CSMD3: variants seen among roughly 807,000 people sequenced by gnomAD.
The protein encoded by CSMD3 is CUB and Sushi multiple domains 3, also known as CUB and sushi domain-containing protein 3.
CSMD3 carries 177 observed loss-of-function variants against 435.2 expected under a neutral mutation model. That is an observed-to-expected ratio of 0.41 (90% confidence interval 0.36 to 0.46). The LOEUF (loss-of-function observed/expected upper bound fraction) is 0.46. Ranked by LOEUF, CSMD3 falls within the 20% of genes least tolerant of loss-of-function variation. The pLI, the probability that CSMD3 is intolerant of heterozygous loss-of-function variation, is 0.34. For synonymous variants in CSMD3, 1,656 were observed against 1,520.5 expected, an observed-to-expected ratio of 1.09 and a Z score of -2.07; for missense variants, 4,265 against 4,504.6, an observed-to-expected ratio of 0.95 and a Z score of 1.52.
At chr8:113,231,318 A>C (rs1314803263) in intron 3 of CSMD3, among the ~76,000 whole-genome samples, 1 of 151,272 alleles carries the variant, frequency 6.6e-6, no homozygotes, top group Non-Finnish European at 1.5e-5. Flanking sequence ...GATATTTCCT[A>C]CTAGATGAAA....
intron 16 of CSMD3, among the ~76,000 whole-genome samples, chr8:112,681,316 T>C (rs1346012976): frequency 6.6e-6 from 1 of 151,796 alleles, no homozygotes; most frequent in Non-Finnish European, 1.5e-5. Flanking sequence ...CCTCCTAAAG[T>C]GCTGGGGTTA....
chr8:113,058,995 G>A (rs1225139937), intron 5 of CSMD3, among the ~76,000 whole-genome samples: 2 of 151,828 alleles, frequency 1.3e-5, no homozygotes, highest in East Asian at 1.9e-4. Context: ...AAAGGTAAGT[G>A]GTACTATAAC....
intron 61 of CSMD3, 151 bp downstream of exon 61, chr8:112,263,488 T>A: frequency 1.5e-6 from 1 of 655,920 alleles, no homozygotes; most frequent in Non-Finnish European, 2.7e-6. Context: ...AGAAACATAA[T>A]GACTTAATTA....
chr8:112,825,290 T>G (rs2079644842), intron 12 of CSMD3, among the ~76,000 whole-genome samples: 1 of 152,216 alleles, frequency 6.6e-6, no homozygotes, highest in Non-Finnish European at 1.5e-5. Flanking sequence ...ACTCAACATC[T>G]GAAGCCTACT....
chr8:113,055,950 G>A (rs554169310), intron 5 of CSMD3, among the ~76,000 whole-genome samples: 2 of 152,178 alleles, frequency 1.3e-5, no homozygotes, highest in Non-Finnish European at 2.9e-5. Context: ...AACTGTGACA[G>A]TTGGGTGAAG....
intron 5 of CSMD3, among the ~76,000 whole-genome samples, chr8:113,073,896 T>C (rs1203858005): frequency 1.3e-5 from 2 of 151,816 alleles, no homozygotes; most frequent in African/African-American, 4.8e-5. Flanking sequence ...GAAATATATG[T>C]CCTCTTCGAA....
chr8:112,894,935 C>A (rs1423127900), intron 10 of CSMD3, among the ~76,000 whole-genome samples: 2 of 151,018 alleles, frequency 1.3e-5, no homozygotes, highest in East Asian at 3.9e-4. Context: ...ATAATAAATG[C>A]CAGTGGAGTT....
chr8:112,693,673 A>G (rs2076188580), intron 13 of CSMD3, among the ~76,000 whole-genome samples: 1 of 151,614 alleles, frequency 6.6e-6, no homozygotes, highest in African/African-American at 2.4e-5. Flanking sequence ...ACTTCTGTCA[A>G]ATACCTTGTA....
intron 32 of CSMD3, among the ~76,000 whole-genome samples, chr8:112,460,236 G>A (rs1421615839): frequency 6.6e-6 from 1 of 152,102 alleles, no homozygotes; most frequent in African/African-American, 2.4e-5. Flanking sequence ...TACACACAGT[G>A]TAAATAAATA....
chr8:112,974,250 C>T (rs1458237273), intron 7 of CSMD3, among the ~76,000 whole-genome samples: 1 of 151,856 alleles, frequency 6.6e-6, no homozygotes, highest in Non-Finnish European at 1.5e-5. Context: ...TTTCTATTTT[C>T]AGTCTGCATT....
chr8:113,216,490 C>T (rs1007451340), intron 3 of CSMD3, among the ~76,000 whole-genome samples: 1 of 151,744 alleles, frequency 6.6e-6, no homozygotes, highest in African/African-American at 2.4e-5. Flanking sequence ...TCAGTTGTGA[C>T]AATAAACACA....
chr8:113,000,469 T>C (rs962476544), intron 6 of CSMD3, among the ~76,000 whole-genome samples: 3 of 152,024 alleles, frequency 2.0e-5, no homozygotes, highest in Non-Finnish European at 4.4e-5. Context: ...TAAAGTGTTA[T>C]CACCACAAAA....
intron 16 of CSMD3, among the ~76,000 whole-genome samples, chr8:112,679,586 G>T (rs1197669846): frequency 6.6e-6 from 1 of 152,160 alleles, no homozygotes. Context: ...AATTTTAAAA[G>T]TTAAATACCA....
rs764652655 is a variant in CSMD3 at position 112,682,629 on chromosome 8, T to C, written c.2490A>G (p.Gly830=). ...RGFNITYNTF[G]HNECPDPGIP... ...TTCCAGGATCAGGGCATTCATTATG[T>C]CCAAATGCTTTAGAATAATATGCAA... Residue 830 remains glycine, a synonymous_variant, in exon 16 of 71, where the codon GGA becomes GGG. Transcript: ENST00000297405. 1 of 1,608,344 alleles carries C rather than the reference T, an allele frequency of 6.2e-7. No individual in the cohort carries two copies. The highest frequency in any genetic ancestry group is 1.7e-5 in the Admixed American group (1 of 59,996).
intron 37 of CSMD3, among the ~76,000 whole-genome samples, chr8:112,382,811 G>A (rs1829598162): frequency 6.6e-6 from 1 of 152,132 alleles, no homozygotes; most frequent in Non-Finnish European, 1.5e-5. Context: ...CCAACATAGC[G>A]AAACCCCATC....
intron 13 of CSMD3, among the ~76,000 whole-genome samples, chr8:112,744,336 T>G (rs752555320): frequency 6.6e-6 from 1 of 152,134 alleles, no homozygotes; most frequent in Non-Finnish European, 1.5e-5. Context: ...CATTTCTGGA[T>G]GTAACAGTTT....
rs148872464 is a variant in CSMD3, at chr8:112,947,836, C to G, written c.1462G>C (p.Asp488His). ...GIKTASNLCP[D>H]PGEPENGKRI... ...TTCCCATTTTCTGGTTCTCCTGGAT[C>G]TGGGCATAAATTGGAAGCTGTTTTA... is the stretch of plus-strand genomic sequence containing the variant. Residue 488 changes from aspartate to histidine, a missense_variant, in exon 9 of 71, where the codon GAT becomes CAT. Transcript: ENST00000297405. 9.0e-6 allele frequency: 14 copies of G among 1,553,388 alleles called. No homozygotes were observed. The African/African-American group carries it at 1.5e-4, about 17-fold the overall frequency.
At chr8:113,414,122 G>T (rs1219221235) in intron 1 of CSMD3, among the ~76,000 whole-genome samples, 1 of 152,142 alleles carries the variant, frequency 6.6e-6, no homozygotes, top group African/African-American at 2.4e-5. Flanking sequence ...ATAACTGAGA[G>T]GATAAGATCT....
intron 12 of CSMD3, among the ~76,000 whole-genome samples, chr8:112,814,394 G>A (rs865986999): frequency 1.9e-4 from 29 of 152,134 alleles, no homozygotes; most frequent in Admixed American, 5.2e-4. Context: ...AGGGAAACAA[G>A]AACAATTGTT....
Sources: gnomAD v4.1 joint callset for allele counts (sites outside exome capture counted in the v4.1 genomes callset) on GRCh38, gnomAD v4.1.1 for gene constraint, MANE v1.5 for transcripts, NCBI Gene and HGNC (gene_info 2026-07-23, HGNC 2026-07-21) for gene names.